CFHR5: variants seen among roughly 807,000 people sequenced by gnomAD.
The protein encoded by CFHR5 is complement factor H-related protein 5.
CFHR5 carries 73 observed loss-of-function variants against 62.9 expected under a neutral mutation model. The ratio of observed to expected loss-of-function variants is 1.16; its 90% confidence interval spans 0.96 to 1.41. CFHR5 has a LOEUF of 1.41. Ranked by LOEUF, CFHR5 falls within the 40% of genes most tolerant of loss-of-function variation. The pLI, the probability that CFHR5 is intolerant of heterozygous loss-of-function variation, is 0.00. For missense variants in CFHR5, 779 were observed against 679.9 expected, an observed-to-expected ratio of 1.15 and a Z score of -1.62; for synonymous variants, 249 against 227.2, an observed-to-expected ratio of 1.10 and a Z score of -0.86.
At chr1:197,007,175 T>C (rs1654311335) in intron 9 of CFHR5, among the ~76,000 whole-genome samples, 1 of 151,838 alleles carries the variant, frequency 6.6e-6, no homozygotes, top group Admixed American at 6.6e-5. Flanking sequence ...TAAGAACATG[T>C]GGTTATTTTA....
intron 9 of CFHR5, among the ~76,000 whole-genome samples, chr1:197,007,486 C>T (rs1654318095): frequency 1.3e-5 from 2 of 151,690 alleles, no homozygotes; most frequent in South Asian, 2.1e-4. Context: ...CAATGTTCAA[C>T]TAGGAGATCG....
At chr1:196,991,890 AC>A (rs1280562763) in intron 3 of CFHR5, among the ~76,000 whole-genome samples, 1 of 152,134 alleles carries the variant, frequency 6.6e-6, no homozygotes, top group Admixed American at 6.5e-5. Flanking sequence ...GAGCTCAAAC[AC>A]CATGCTGGGA....
chr1:196,994,984 A>T (rs1277763758), intron 4 of CFHR5, among the ~76,000 whole-genome samples: 1 of 152,058 alleles, frequency 6.6e-6, no homozygotes, highest in African/African-American at 2.4e-5. Context: ...ATTACCTCCC[A>T]CCAGGTTCTT....
intron 1 of CFHR5, among the ~76,000 whole-genome samples, chr1:196,981,568 T>C (rs1213599976): frequency 6.6e-6 from 1 of 151,886 alleles, no homozygotes; most frequent in Non-Finnish European, 1.5e-5. Flanking sequence ...ATTTTCTACA[T>C]TGTTTTACCA....
At chr1:196,980,470 G>C (rs1477588433) in intron 1 of CFHR5, among the ~76,000 whole-genome samples, 1 of 152,054 alleles carries the variant, frequency 6.6e-6, no homozygotes, top group East Asian at 1.9e-4. Flanking sequence ...TGTTGTGGTG[G>C]TCATCAGTTG....
chr1:196,987,851 G>A (rs2125029592), intron 3 of CFHR5, among the ~76,000 whole-genome samples: 1 of 152,266 alleles, frequency 6.6e-6, no homozygotes, highest in East Asian at 1.9e-4. Context: ...TGGCAATGCA[G>A]CCCCTTTTTT....
upstream of CFHR5, among the ~76,000 whole-genome samples, chr1:196,976,808 T>C (rs1256475216): frequency 1.4e-5 from 2 of 141,074 alleles, no homozygotes; most frequent in Admixed American, 1.4e-4. Context: ...TCTTTTTTTT[T>C]TTTTTTTTTT....
intron 3 of CFHR5, among the ~76,000 whole-genome samples, chr1:196,993,459 G>A (rs1319339912): frequency 6.6e-6 from 1 of 151,926 alleles, no homozygotes; most frequent in Non-Finnish European, 1.5e-5. Context: ...CCCATGCCTG[G>A]CTAATTTTTG....
intron 1 of CFHR5, among the ~76,000 whole-genome samples, chr1:196,980,283 A>G (rs967391656): frequency 6.6e-6 from 1 of 152,164 alleles, no homozygotes; most frequent in Non-Finnish European, 1.5e-5. Context: ...CTATAAAATA[A>G]TGATAACAAC....
intron 3 of CFHR5, among the ~76,000 whole-genome samples, chr1:196,991,945 T>G (rs1361796233): frequency 6.6e-6 from 1 of 152,172 alleles, no homozygotes; most frequent in Non-Finnish European, 1.5e-5. Flanking sequence ...GACATTTATG[T>G]CTACAGAAGT....
Position 196,994,118 on chromosome 1 carries a change from GA to G in CFHR5, c.470del (p.Asp157ValfsTer15). The G allele has an allele frequency of 6.2e-7, 1 of 1,613,266 alleles. No individual in the cohort carries two copies. Among genetic ancestry groups the G allele is most frequent in the Non-Finnish European group, 8.5e-7 (1 of 1,179,650 alleles). On this transcript the variant is annotated frameshift_variant, in exon 4 of 10. Transcript: ENST00000256785. LOFTEE classifies it high-confidence loss of function. ...TGTTCCAATTTTAGAAGCCAATGTA[GA>G]TGCTCAGCCAAAAAAAGAAAGCTAC... ...CHVPILEANV[D>X]AQPKKESYKV... is the part of the protein sequence containing the mutation.
intron 1 of CFHR5, among the ~76,000 whole-genome samples, chr1:196,979,791 C>G (rs907925414): frequency 1.3e-5 from 2 of 151,794 alleles, no homozygotes; most frequent in Non-Finnish European, 2.9e-5. Flanking sequence ...TGGATAAGTT[C>G]TTTAGTGCTA....
intron 9 of CFHR5, among the ~76,000 whole-genome samples, chr1:197,006,202 A>G (rs921108576): frequency 6.6e-6 from 1 of 152,168 alleles, no homozygotes; most frequent in Non-Finnish European, 1.5e-5. Context: ...AGTGTGTACC[A>G]TGTTGACAAT....
chr1:197,004,413 C>T (rs954754972), intron 8 of CFHR5, among the ~76,000 whole-genome samples: 1 of 152,062 alleles, frequency 6.6e-6, no homozygotes, highest in Non-Finnish European at 1.5e-5. Context: ...GAGGAGGAAC[C>T]TAGACCAGAA....
At chr1:197,007,127 G>A (rs896902491) in intron 9 of CFHR5, among the ~76,000 whole-genome samples, 1 of 151,808 alleles carries the variant, frequency 6.6e-6, no homozygotes, top group South Asian at 2.1e-4. Flanking sequence ...GAGCCACCAC[G>A]CCCGGCCCAA....
intron 7 of CFHR5, among the ~76,000 whole-genome samples, chr1:197,000,521 A>T (rs1654125289): frequency 1.3e-5 from 2 of 152,186 alleles, no homozygotes; most frequent in African/African-American, 4.8e-5. Flanking sequence ...AAATATAAAA[A>T]CAATAGTATA....
chr1:197,005,826 G>T (rs1225765302), intron 9 of CFHR5, among the ~76,000 whole-genome samples: 1 of 151,952 alleles, frequency 6.6e-6, no homozygotes, highest in African/African-American at 2.4e-5. Context: ...ACCTTCTGTA[G>T]TAACAAATTA....
chr1:197,009,350 T>C lies in CFHR5; in HGVS notation c.*667T>C, dbSNP rs1228061784. The C allele has an allele frequency of 6.6e-6, 1 of 152,162 alleles. No homozygotes were observed. The highest frequency in any genetic ancestry group is 2.4e-5 in the African/African-American group (1 of 41,448). The allele number at this position is 152,162 out of a possible 1,614,324, so 9.4% of individuals were successfully genotyped here. On this transcript the variant is annotated 3_prime_UTR_variant, in exon 10 of 10. Transcript: ENST00000256785. Reference sequence around the variant, plus strand: ...GAAACTCAAATTGTTCCTGGGCAAATCACAACATGGGGAATTTTATTCATA... The same window carrying C: ...GAAACTCAAATTGTTCCTGGGCAAACCACAACATGGGGAATTTTATTCATA...
intron 2 of CFHR5, among the ~76,000 whole-genome samples, chr1:196,983,456 G>A (rs968177184): frequency 2.6e-5 from 4 of 152,000 alleles, no homozygotes; most frequent in African/African-American, 9.7e-5. Context: ...TGCATATTGC[G>A]AGGTAAGGTT....
Sources: gnomAD v4.1 joint callset for allele counts (sites outside exome capture counted in the v4.1 genomes callset) on GRCh38, gnomAD v4.1.1 for gene constraint, MANE v1.5 for transcripts, NCBI Gene and HGNC (gene_info 2026-07-23, HGNC 2026-07-21) for gene names.